The following SLC4A10 variants were observed in gnomAD, a reference collection of about 807,000 sequenced individuals.
SLC4A10 encodes the protein solute carrier family 4 member 10, also known as sodium-driven chloride bicarbonate exchanger.
In SLC4A10, 42 loss-of-function variants were observed where a neutral mutation model predicts 137.7. The ratio of observed to expected loss-of-function variants is 0.30; its 90% confidence interval spans 0.24 to 0.39. The LOEUF (loss-of-function observed/expected upper bound fraction) is 0.39. Among genes scored for constraint, SLC4A10 ranks in the 10% least tolerant of loss-of-function variants. The probability of loss-of-function intolerance (pLI) is 1.00; values close to 1 mark genes in which losing one functional copy is unlikely to be tolerated. For missense variants in SLC4A10, 925 were observed against 1,355.0 expected, an observed-to-expected ratio of 0.68 and a Z score of 4.98; for synonymous variants, 474 against 464.1, an observed-to-expected ratio of 1.02 and a Z score of -0.27.
intron 2 of SLC4A10, 93 bp downstream of exon 2, chr2:161,771,147 A>AAACAAAC: frequency 1.1e-6 from 1 of 908,272 alleles, no homozygotes; most frequent in Non-Finnish European, 1.7e-6. Flanking sequence ...GAATTGCAAA[A>AAACAAAC]GTTGGTATCA....
At position 161,839,777 on chromosome 2, in the gene SLC4A10, C is replaced by T; in HGVS notation, c.278-12C>T. 6.2e-7 allele frequency: 1 copy of T among 1,613,258 alleles called. No individual in the cohort carries two copies. Among genetic ancestry groups the T allele is most frequent in the Non-Finnish European group, 8.5e-7 (1 of 1,179,530 alleles). ...TACATGTTCATGGTAATACATGTCT[C>T]TGATTTTTTAGACACCCCATCACAG... On this transcript the variant is annotated splice_polypyrimidine_tract_variant and intron_variant, in intron 3 of 26. Transcript: ENST00000446997.
At chr2:161,932,087 C>T (rs941868343) in intron 15 of SLC4A10, among the ~76,000 whole-genome samples, 1 of 152,076 alleles carries the variant, frequency 6.6e-6, no homozygotes, top group Non-Finnish European at 1.5e-5. Context: ...CCATCAAACT[C>T]TTATGGTGTT....
At chr2:161,766,864 A>T (rs904097293) in intron 1 of SLC4A10, among the ~76,000 whole-genome samples, 1 of 150,792 alleles carries the variant, frequency 6.6e-6, no homozygotes, top group Non-Finnish European at 1.5e-5. Context: ...CATTTCTTTA[A>T]CTCTGATTGC....
intron 1 of SLC4A10, among the ~76,000 whole-genome samples, chr2:161,723,879 C>A (rs1320982605): frequency 6.6e-6 from 1 of 152,144 alleles, no homozygotes; most frequent in Non-Finnish European, 1.5e-5. Flanking sequence ...GAAATCTATA[C>A]CTTAACCTCT....
At chr2:161,767,993 T>C (rs1325098798) in intron 1 of SLC4A10, among the ~76,000 whole-genome samples, 3 of 152,026 alleles carry the variant, frequency 2.0e-5, no homozygotes, top group South Asian at 2.1e-4. Context: ...ATCAGAGTCA[T>C]ATTCTTTTTT....
Position 161,854,274 on chromosome 2 carries a change from A to G in SLC4A10, c.417-696A>G, listed in dbSNP as rs149378170. On this transcript the variant is annotated intron_variant, in intron 4 of 26. Coordinates refer to ENST00000446997, the MANE Select transcript of SLC4A10 (RefSeq NM_001178015.2). ...TGGTTTCTCTTTATCTGTTCCATTT[A>G]TCTTGCTTATAGACAATCTAGGTAT... 1.0e-3 allele frequency among the ~76,000 whole-genome samples: 154 copies of G among 152,314 alleles called. 1 individual carries two copies. The highest frequency in any genetic ancestry group is 6.8e-3 in the Middle Eastern group (2 of 294).
chr2:161,901,841 T>C (rs1683182488), intron 12 of SLC4A10, among the ~76,000 whole-genome samples: 1 of 152,150 alleles, frequency 6.6e-6, no homozygotes, highest in Admixed American at 6.5e-5. Flanking sequence ...TTTGAGATGG[T>C]TCAAACAATT....
intron 1 of SLC4A10, among the ~76,000 whole-genome samples, chr2:161,676,686 A>G (rs2040311203): frequency 2.6e-5 from 4 of 152,156 alleles, no homozygotes; most frequent in African/African-American, 9.7e-5. Flanking sequence ...AAGTTTTTAT[A>G]TATCTATATG....
At chr2:161,915,889 A>G (rs1687007935) in intron 15 of SLC4A10, among the ~76,000 whole-genome samples, 1 of 152,228 alleles carries the variant, frequency 6.6e-6, no homozygotes, top group Non-Finnish European at 1.5e-5. Context: ...AAATTTGGAC[A>G]CACAAAGAGA....
intron 19 of SLC4A10, 68 bp from the exon 20 acceptor site, chr2:161,956,921 G>C: frequency 6.8e-7 from 1 of 1,464,262 alleles, no homozygotes; most frequent in Non-Finnish European, 9.0e-7. Flanking sequence ...GTTTCTATTC[G>C]CAATCAGGCC....
rs371130264 is a variant in SLC4A10, at chr2:161,780,553, T to C, written c.130+9499T>C. On this transcript the variant is annotated intron_variant, in intron 2 of 26. Transcript: ENST00000446997. ...AATTTAAAAATCTTAGCCTTTATTA[T>C]ATTGAAATTAAGTCGAATTATTTTT... Among the ~76,000 whole-genome samples the C allele has an allele frequency of 1.7e-4, 26 of 152,188 alleles. No homozygotes were observed. The East Asian group carries it at 4.1e-3, about 24-fold the overall frequency.
chr2:161,975,497 A>G (rs923141793), intron 24 of SLC4A10, among the ~76,000 whole-genome samples: 22 of 152,210 alleles, frequency 1.4e-4, no homozygotes, highest in African/African-American at 5.1e-4. Context: ...CTCACATAAT[A>G]TCATGAAAAA....
At chr2:161,804,172 A>G (rs2055670619) in intron 2 of SLC4A10, among the ~76,000 whole-genome samples, 2 of 152,172 alleles carry the variant, frequency 1.3e-5, no homozygotes, top group South Asian at 4.1e-4. Context: ...AGTATAATTA[A>G]GCATGGGGAA....
intron 11 of SLC4A10, among the ~76,000 whole-genome samples, chr2:161,895,519 A>C (rs1192363161): frequency 6.6e-6 from 1 of 152,192 alleles, no homozygotes; most frequent in Admixed American, 6.5e-5. Context: ...ACTAGTTTAC[A>C]GTCCCACCAA....
intron 1 of SLC4A10, among the ~76,000 whole-genome samples, chr2:161,698,964 T>C (rs1054925205): frequency 2.0e-5 from 3 of 152,188 alleles, no homozygotes; most frequent in African/African-American, 7.2e-5. Flanking sequence ...GGTAGGCTAT[T>C]AATTATTGCC....
At chr2:161,733,291 C>T (rs545541589) in intron 1 of SLC4A10, among the ~76,000 whole-genome samples, 19 of 152,244 alleles carry the variant, frequency 1.2e-4, no homozygotes, top group African/African-American at 4.3e-4. Flanking sequence ...AAGCTGTATG[C>T]AGCCTAGGGA....
Position 161,983,393 on chromosome 2 carries a change from G to T in SLC4A10, c.*241G>T. Reference sequence around the variant, plus strand: ...AGTGCAATACTTGTTTCATTTCTGTGTTTAAACTTCTGAGCAGTGAGACAT... The same window carrying T: ...AGTGCAATACTTGTTTCATTTCTGTTTTTAAACTTCTGAGCAGTGAGACAT... On this transcript the variant is annotated 3_prime_UTR_variant, in exon 27 of 27. Coordinates refer to ENST00000446997, the MANE Select transcript of SLC4A10 (RefSeq NM_001178015.2). 7 of 682,084 alleles carry T rather than the reference G, an allele frequency of 1.0e-5. No homozygotes were observed. The highest frequency in any genetic ancestry group is 7.2e-6 in the Non-Finnish European group (3 of 414,066). 42.3% of individuals were successfully genotyped at this position (682,084 alleles called of 1,614,324 possible). A position where few individuals can be genotyped will look rare whatever the true frequency, so the allele number is the denominator to read the frequency against.
intron 1 of SLC4A10, among the ~76,000 whole-genome samples, chr2:161,633,720 A>G (rs1483731946): frequency 6.6e-6 from 1 of 151,718 alleles, no homozygotes; most frequent in Non-Finnish European, 1.5e-5. Context: ...TGATTCAATA[A>G]TGCTTACTCA....
At chr2:161,698,829 G>A (rs192254594) in intron 1 of SLC4A10, among the ~76,000 whole-genome samples, 40 of 152,286 alleles carry the variant, frequency 2.6e-4, no homozygotes, top group Middle Eastern at 3.4e-3. Flanking sequence ...CATAAAATGA[G>A]TTAGGGAGGA....
Sources: gnomAD v4.1 joint callset for allele counts (sites outside exome capture counted in the v4.1 genomes callset) on GRCh38, gnomAD v4.1.1 for gene constraint, MANE v1.5 for transcripts, NCBI Gene and HGNC (gene_info 2026-07-23, HGNC 2026-07-21) for gene names.